The following GRXCR1 variants were observed in gnomAD, a reference collection of about 807,000 sequenced individuals.
GRXCR1 encodes glutaredoxin domain-containing cysteine-rich protein 1.
GRXCR1 carries 27 observed loss-of-function variants against 27.3 expected under a neutral mutation model. The ratio of observed to expected loss-of-function variants is 0.99; its 90% CI spans 0.73 to 1.37. The LOEUF (loss-of-function observed/expected upper bound fraction) is 1.37. Among genes scored for constraint, GRXCR1 ranks in the 40% most tolerant of loss-of-function variants. GRXCR1 has a pLI of 0.00. For synonymous variants in GRXCR1, 122 were observed against 131.1 expected (o/e 0.93, Z 0.47); for missense variants, 379 against 354.4 (o/e 1.07, Z -0.56).
intron 3 of GRXCR1, 50 bp from the exon 4 acceptor site, chr4:43,030,311 C>T: frequency 6.4e-7 from 1 of 1,561,450 alleles, no homozygotes; most frequent in South Asian, 1.1e-5. Context: ...TTGAGTTGTT[C>T]ATGCTAACAC....
At chr4:42,970,649 G>A (rs1281122681) in intron 2 of GRXCR1, among the ~76,000 whole-genome samples, 1 of 152,136 alleles carries the variant, frequency 6.6e-6, no homozygotes, top group East Asian at 1.9e-4. Flanking sequence ...GAGCAGTGGG[G>A]CCCTGGGGAT....
At chr4:42,987,362 G>T (rs190321971) in intron 2 of GRXCR1, among the ~76,000 whole-genome samples, 2 of 149,540 alleles carry the variant, frequency 1.3e-5, no homozygotes, top group South Asian at 4.2e-4. Flanking sequence ...AGCTTAGGGT[G>T]ACTTCAAACT....
intron 2 of GRXCR1, among the ~76,000 whole-genome samples, chr4:42,973,832 T>C (rs1227215606): frequency 6.6e-6 from 1 of 152,106 alleles, no homozygotes; most frequent in African/African-American, 2.4e-5. Context: ...TTGGATATTG[T>C]GAAGATGAAA....
In GRXCR1 at chr4:42,897,513, A is replaced by T. The variant is rs138335542; in HGVS notation, c.384+3863A>T. ...CAAATTAAACATATAACCTCCGTCT[A>T]TGTATGTACATGGATATTTCCGGTT... On this transcript the variant is annotated intron_variant, in intron 1 of 3. Coordinates refer to ENST00000399770, the MANE Select transcript of GRXCR1 (RefSeq NM_001080476.3). Among the ~76,000 whole-genome samples the T allele has an allele frequency of 5.5e-4, 84 of 152,230 alleles. 1 individual carries two copies. In the East Asian group the frequency reaches 0.013, roughly 24 times the overall value.
At chr4:42,908,493 T>C (rs1383083854) in intron 1 of GRXCR1, among the ~76,000 whole-genome samples, 5 of 152,192 alleles carry the variant, frequency 3.3e-5, no homozygotes, top group African/African-American at 7.2e-5. Flanking sequence ...CAGATAACTT[T>C]AGTGACATCT....
intron 1 of GRXCR1, among the ~76,000 whole-genome samples, chr4:42,953,762 A>T (rs138719372): frequency 6.6e-6 from 1 of 152,248 alleles, no homozygotes; most frequent in Non-Finnish European, 1.5e-5. Context: ...TGTTCATAGC[A>T]ATAATGGTGA....
chr4:42,961,587 C>T (rs1748130574), intron 1 of GRXCR1, among the ~76,000 whole-genome samples: 1 of 151,996 alleles, frequency 6.6e-6, no homozygotes, highest in African/African-American at 2.4e-5. Flanking sequence ...TACTCCTGAC[C>T]TGCTTCAGCA....
At chr4:43,008,673 G>A (rs1712642687) in intron 2 of GRXCR1, among the ~76,000 whole-genome samples, 1 of 152,120 alleles carries the variant, frequency 6.6e-6, no homozygotes, top group Non-Finnish European at 1.5e-5. Flanking sequence ...CTAAGAGGTA[G>A]ATATAATTTT....
chr4:43,003,258 C>A (rs939472150), intron 2 of GRXCR1, among the ~76,000 whole-genome samples: 1 of 151,996 alleles, frequency 6.6e-6, no homozygotes, highest in Non-Finnish European at 1.5e-5. Flanking sequence ...ACGTATGTAA[C>A]AAACCTGCAC....
chr4:42,984,347 A>G (rs1278958049), intron 2 of GRXCR1, among the ~76,000 whole-genome samples: 2 of 152,122 alleles, frequency 1.3e-5, no homozygotes, highest in African/African-American at 4.8e-5. Flanking sequence ...ATTCCTTAAA[A>G]CAGTTATTTT....
intron 2 of GRXCR1, among the ~76,000 whole-genome samples, chr4:42,989,397 A>G (rs975094820): frequency 2.0e-5 from 3 of 151,734 alleles, no homozygotes; most frequent in East Asian, 3.9e-4. Flanking sequence ...AGCCTTAATT[A>G]CCTCCTTAAA....
chr4:42,995,383 A>T (rs771895260), intron 2 of GRXCR1, among the ~76,000 whole-genome samples: 1 of 152,186 alleles, frequency 6.6e-6, no homozygotes, highest in Non-Finnish European at 1.5e-5. Context: ...ATTTGTATAT[A>T]CTTGCTTTGC....
chr4:42,951,881 G>C (rs1454215268), intron 1 of GRXCR1, among the ~76,000 whole-genome samples: 2 of 152,042 alleles, frequency 1.3e-5, no homozygotes, highest in Non-Finnish European at 2.9e-5. Flanking sequence ...ATTTTCTTTT[G>C]GTGTGGAAGA....
intron 2 of GRXCR1, among the ~76,000 whole-genome samples, chr4:42,972,513 C>A (rs1748413554): frequency 1.3e-5 from 2 of 152,134 alleles, no homozygotes; most frequent in South Asian, 4.1e-4. Context: ...TGTGATTGCT[C>A]CTCTGTCCCT....
At chr4:42,913,616 A>G (rs1746813880) in intron 1 of GRXCR1, among the ~76,000 whole-genome samples, 1 of 152,162 alleles carries the variant, frequency 6.6e-6, no homozygotes, top group African/African-American at 2.4e-5. Flanking sequence ...AGAAAAACCC[A>G]TTTTCTGGGG....
intron 2 of GRXCR1, among the ~76,000 whole-genome samples, chr4:42,989,821 T>C (rs1047826231): frequency 6.6e-6 from 1 of 152,188 alleles, no homozygotes; most frequent in Non-Finnish European, 1.5e-5. Flanking sequence ...CTAAGTCTCT[T>C]ATGGTATTAT....
intron 2 of GRXCR1, among the ~76,000 whole-genome samples, chr4:42,963,698 G>A (rs558255854): frequency 1.4e-4 from 21 of 152,026 alleles, no homozygotes; most frequent in African/African-American, 4.6e-4. Context: ...AGCAGAACAT[G>A]CCTGTTTCAT....
At chr4:43,018,879 G>A (rs1448104898) in intron 2 of GRXCR1, among the ~76,000 whole-genome samples, 2 of 152,092 alleles carry the variant, frequency 1.3e-5, no homozygotes, top group Admixed American at 6.6e-5. Context: ...GAGGTTTCAC[G>A]TCTGTATTCC....
At chr4:43,030,261 C>T (rs1307961454) in intron 3 of GRXCR1, 100 bp from the exon 4 acceptor site, 2 of 1,042,106 alleles carry the variant, frequency 1.9e-6, no homozygotes, top group African/African-American at 1.6e-5. Context: ...GCCAATATTG[C>T]TTTATGACCA....
Sources: gnomAD v4.1 joint callset for allele counts (sites outside exome capture counted in the v4.1 genomes callset) on GRCh38, gnomAD v4.1.1 for gene constraint, MANE v1.5 for transcripts, NCBI Gene and HGNC (gene_info 2026-07-23, HGNC 2026-07-21) for gene names.